Variants in TUT4 observed in about 807,000 individuals in gnomAD.
The protein encoded by TUT4 is terminal uridylyltransferase 4.
Under a neutral mutation model 192.2 loss-of-function variants are expected in TUT4, and 36 were observed. The observed-to-expected ratio is 0.19, with a 90% CI of 0.14 to 0.25. TUT4 has a LOEUF of 0.25. Among genes scored for constraint, TUT4 ranks in the 10% least tolerant of loss-of-function variants. TUT4 has a pLI of 1.00. For missense variants in TUT4, 1,493 were observed against 1,957.2 expected (o/e 0.76, Z 4.47); for synonymous variants, 618 against 666.0 (o/e 0.93, Z 1.11).
intron 9 of TUT4, among the ~76,000 whole-genome samples, chr1:52,486,926 A>G (rs1669938319): frequency 6.6e-6 from 1 of 152,228 alleles, no homozygotes; most frequent in Non-Finnish European, 1.5e-5. Context: ...TTTACTGAGT[A>G]GAACAATGTC....
At chr1:52,432,170 C>G (rs1345936981) in intron 27 of TUT4, 1 of 152,084 alleles carries the variant, frequency 6.6e-6, no homozygotes, top group Non-Finnish European at 1.5e-5. Context: ...CAAGGGTCAA[C>G]TACATAATGA....
chr1:52,454,752 A>G (rs1323862861), intron 20 of TUT4, among the ~76,000 whole-genome samples: 2 of 152,232 alleles, frequency 1.3e-5, no homozygotes, highest in Admixed American at 6.5e-5. Flanking sequence ...CTGCTCTGCA[A>G]AAGACAACGT....
chr1:52,476,921 T>C (rs1479099728), intron 12 of TUT4, among the ~76,000 whole-genome samples: 6 of 152,218 alleles, frequency 3.9e-5, no homozygotes, highest in Non-Finnish European at 8.8e-5. Context: ...TGATTAAGAA[T>C]TGAGGAGCCA....
Position 52,516,054 on chromosome 1 carries a change from C to G in TUT4, c.719G>C (p.Ser240Thr). The change falls in exon 3 of 30, where the codon AGT becomes ACT. Residue 240 changes from serine (S) to threonine (T), a missense_variant and splice_region_variant. Physicochemically the swap from Ser to Thr is moderately conservative, Grantham distance 58. Around this residue, in one of 7 missense-constraint regions of TUT4, gnomAD observed 437 missense variants for 577.6 expected, o/e 0.76. Coordinates refer to ENST00000257177, the MANE Select transcript of TUT4 (RefSeq NM_001009881.3). ...SGIEDVSDDL[S>T]KMKNDESNKE... Reference sequence around the variant, plus strand: ...ATTAGATTCATCATTCTTCATTTTACCTAGAAAAGAAAGCAATCACTCAGT... The same window carrying G: ...ATTAGATTCATCATTCTTCATTTTAGCTAGAAAAGAAAGCAATCACTCAGT... 1 of 1,611,160 alleles carries G rather than the reference C, an allele frequency of 6.2e-7. No homozygotes were observed. Among genetic ancestry groups the G allele is most frequent in the Non-Finnish European group, 8.5e-7 (1 of 1,178,498 alleles).
At position 52,488,052 on chromosome 1, in the gene TUT4, C is replaced by G. The variant is rs562154331; in HGVS notation, c.1515+857G>C. On this transcript the variant is annotated intron_variant, in intron 9 of 29. Coordinates refer to ENST00000257177, the MANE Select transcript of TUT4 (RefSeq NM_001009881.3). Reference sequence around the variant, plus strand: ...TGAAGGAAACAGCAAATACAAAGGCCTTGAGTATAAAGAAGCCCCAACCTT... The same window carrying G: ...TGAAGGAAACAGCAAATACAAAGGCGTTGAGTATAAAGAAGCCCCAACCTT... 5.2e-4 allele frequency among the ~76,000 whole-genome samples: 79 copies of G among 152,210 alleles called. 1 individual carries two copies. The South Asian group carries it at 9.1e-3, about 18-fold the overall frequency.
rs1285574494 is a variant in TUT4 at position 52,475,408 on chromosome 1, C to T, written c.2151G>A (p.Lys717=). 1 of 1,614,094 alleles carries T rather than the reference C, an allele frequency of 6.2e-7. No individual in the cohort carries two copies. ...FACPQTKGGN[K]STVDFKKREK... ...CTCTTTTCTTGAAATCCACTGTAGA[C>T]TTATTTCCACCCTTCGTCTGAGGAC... The change falls in exon 13 of 30, where the codon AAG becomes AAA. Residue 717 remains lysine, a synonymous_variant. Coordinates refer to ENST00000257177, the MANE Select transcript of TUT4 (RefSeq NM_001009881.3).
rs367870528 is a variant in TUT4 at position 52,436,748 on chromosome 1, T to A, written c.4162+7A>T. ...ACCAGAAACTATGTTTGGCCTTTTC[T>A]ATTTACCTGCCACACTGCTATTCCT... On this transcript the variant is annotated splice_region_variant and intron_variant, in intron 26 of 29. Transcript: ENST00000257177. 1.2e-6 allele frequency: 2 copies of A among 1,612,722 alleles called. No individual in the cohort carries two copies. The highest frequency in any genetic ancestry group is 2.7e-5 in the African/African-American group (2 of 74,900).
At chr1:52,543,994 G>A (rs895132606) in intron 1 of TUT4, among the ~76,000 whole-genome samples, 6 of 151,676 alleles carry the variant, frequency 4.0e-5, no homozygotes, top group African/African-American at 1.5e-4. Flanking sequence ...TTACTACAAA[G>A]CTACAATAAT....
At chr1:52,444,957 A>G (rs1476074237) in intron 24 of TUT4, among the ~76,000 whole-genome samples, 1 of 143,874 alleles carries the variant, frequency 7.0e-6, no homozygotes, top group Non-Finnish European at 1.6e-5. Flanking sequence ...ATGTGTATAT[A>G]CATGTATATA....
chr1:52,528,439 C>T (rs1557968591), intron 1 of TUT4, among the ~76,000 whole-genome samples: 1 of 145,212 alleles, frequency 6.9e-6, no homozygotes, highest in Non-Finnish European at 1.5e-5. Flanking sequence ...TGCGGTGAGC[C>T]AAGATTGCAT....
intron 15 of TUT4, among the ~76,000 whole-genome samples, chr1:52,466,072 C>T (rs1318496091): frequency 6.6e-6 from 1 of 152,060 alleles, no homozygotes; most frequent in African/African-American, 2.4e-5. Context: ...AAGTAGACTA[C>T]ACATTTATAG....
At chr1:52,437,071 T>C in intron 25 of TUT4, 93 bp from the exon 26 acceptor site, 4 of 1,481,964 alleles carry the variant, frequency 2.7e-6, no homozygotes, top group Non-Finnish European at 3.6e-6. Context: ...AGGACTAACA[T>C]GCCCATCATT....
chr1:52,435,517 A>C (rs763260795), intron 26 of TUT4, 52 bp from the exon 27 acceptor site: 7 of 1,345,356 alleles, frequency 5.2e-6, no homozygotes, highest in African/African-American at 1.4e-5. Flanking sequence ...GTAGCAGAGA[A>C]ATGACAATAA....
intron 4 of TUT4, among the ~76,000 whole-genome samples, chr1:52,508,365 G>A (rs537085115): frequency 7.3e-5 from 11 of 150,280 alleles, no homozygotes; most frequent in South Asian, 2.1e-4. Flanking sequence ...TTGCAAGCCC[G>A]AGCTTCCTGG....
intron 27 of TUT4, chr1:52,434,407 G>A (rs1290887528): frequency 2.0e-5 from 3 of 152,158 alleles, no homozygotes; most frequent in African/African-American, 7.2e-5. Context: ...CCACTCCAAG[G>A]ATTAAATTTG....
At chr1:52,493,802 GTTTT>G (rs933451657) in intron 6 of TUT4, 140 bp from the exon 7 acceptor site, 2 of 532,560 alleles carry the variant, frequency 3.8e-6, no homozygotes, top group African/African-American at 2.1e-5. Context: ...ACAGAATCGT[GTTTT>G]TTTTTTGTTT....
chr1:52,488,962 T>C lies in TUT4; in HGVS notation c.1462A>G (p.Lys488Glu). The C allele has an allele frequency of 1.9e-6, 3 of 1,613,920 alleles. No individual in the cohort carries two copies. Among genetic ancestry groups the C allele is most frequent in the Non-Finnish European group, 1.7e-6 (2 of 1,179,902 alleles). Reference protein sequence around the residue: ...LTTDLLTALGKIEPVFIPLVL... With the variant: ...LTTDLLTALGEIEPVFIPLVL... ...AAGGGAATAAAGACAGGTTCTATTTTGCCAAGGGCAGTAAGTAAATCAGTA... is the reference window on the plus strand; with the variant it reads ...AAGGGAATAAAGACAGGTTCTATTTCGCCAAGGGCAGTAAGTAAATCAGTA... Residue 488 changes from lysine to glutamate, a missense_variant, in exon 9 of 30, where the codon AAA becomes GAA. Coordinates refer to ENST00000257177, the MANE Select transcript of TUT4 (RefSeq NM_001009881.3).
chr1:52,517,645 T>C (rs1488419921), intron 2 of TUT4, among the ~76,000 whole-genome samples: 1 of 152,178 alleles, frequency 6.6e-6, no homozygotes, highest in Non-Finnish European at 1.5e-5. Flanking sequence ...ACATGAGAAG[T>C]ATGGCTAGGT....
chr1:52,426,427 T>C (rs1343316362), intron 28 of TUT4, among the ~76,000 whole-genome samples: 1 of 152,200 alleles, frequency 6.6e-6, no homozygotes, highest in African/African-American at 2.4e-5. Context: ...CCAGTTTATA[T>C]TCTGGATCAT....
Sources: allele counts gnomAD v4.1 joint callset (sites outside exome capture counted in the v4.1 genomes callset), GRCh38; gene constraint gnomAD v4.1.1; regional missense constraint gnomAD v4.1.1; transcripts MANE v1.5; gene names NCBI Gene and HGNC (gene_info 2026-07-23, HGNC 2026-07-21).